The following WARS2 variants were observed in gnomAD, a reference collection of about 807,000 sequenced individuals.
WARS2 encodes the protein tryptophan--tRNA ligase, mitochondrial.
In WARS2, 28 loss-of-function variants were observed where a neutral mutation model predicts 36.5. The ratio of observed to expected loss-of-function variants is 0.77; its 90% CI spans 0.57 to 1.05. WARS2 has a LOEUF of 1.05. Among genes scored for constraint, WARS2 ranks in the 50% least tolerant of loss-of-function variants. The pLI is 0.00. For synonymous variants in WARS2, 174 were observed against 178.4 expected (o/e 0.98, Z 0.20); for missense variants, 435 against 456.8 (o/e 0.95, Z 0.44).
At position 119,095,886 on chromosome 1, in the gene WARS2, T is replaced by C. The variant is rs587727859; in HGVS notation, c.91-19279A>G. On this transcript the variant is annotated intron_variant, in intron 1 of 5. Transcript: ENST00000235521. ...GTATTGGGGGACACTGAAGAGTTTT[T>C]AGTTTCTCAAACTCACTGGTAAACC... Among the ~76,000 whole-genome samples the C allele has an allele frequency of 4.6e-5, 7 of 152,368 alleles. No individual in the cohort carries two copies. In the South Asian group the frequency reaches 1.2e-3, roughly 27 times the overall value.
At chr1:119,094,274 T>TA (rs1158064403) in intron 1 of WARS2, among the ~76,000 whole-genome samples, 3 of 151,536 alleles carry the variant, frequency 2.0e-5, no homozygotes, top group South Asian at 2.1e-4. Context: ...TTTCCTTTGG[T>TA]AAAAAAAAAT....
At chr1:119,042,148 A>T in intron 4 of WARS2, 116 bp downstream of exon 4, 1 of 824,504 alleles carries the variant, frequency 1.2e-6, no homozygotes. Context: ...ACTGATTCAG[A>T]TGTCTGACGC....
intron 4 of WARS2, among the ~76,000 whole-genome samples, chr1:119,040,299 A>G (rs554608673): frequency 6.6e-6 from 1 of 152,354 alleles, no homozygotes; most frequent in Admixed American, 6.5e-5. Flanking sequence ...GAATTAAAGA[A>G]GAGGCTCCTT....
At chr1:119,057,205 G>A (rs539160079) in intron 2 of WARS2, among the ~76,000 whole-genome samples, 108 of 152,018 alleles carry the variant, frequency 7.1e-4, no homozygotes, top group African/African-American at 2.5e-3. Flanking sequence ...GGAGTCAGTG[G>A]CACGATCTCG....
chr1:119,088,082 A>G (rs1475667749), intron 1 of WARS2, among the ~76,000 whole-genome samples: 1 of 152,226 alleles, frequency 6.6e-6, no homozygotes, highest in Non-Finnish European at 1.5e-5. Flanking sequence ...GATGTATGCT[A>G]AAGTTTGAGC....
intron 1 of WARS2, among the ~76,000 whole-genome samples, chr1:119,110,722 C>G (rs1350275345): frequency 6.6e-6 from 1 of 152,040 alleles, no homozygotes; most frequent in African/African-American, 2.4e-5. Context: ...CATTTTTATT[C>G]AAATATTGAT....
At chr1:119,080,889 C>A (rs1443942778) in intron 1 of WARS2, among the ~76,000 whole-genome samples, 1 of 152,234 alleles carries the variant, frequency 6.6e-6, no homozygotes, top group Non-Finnish European at 1.5e-5. Flanking sequence ...CACAGGCATT[C>A]ATTCAAGGGG....
chr1:119,048,694 A>AT (rs1341100074), intron 2 of WARS2, among the ~76,000 whole-genome samples: 3 of 152,042 alleles, frequency 2.0e-5, no homozygotes, highest in Non-Finnish European at 4.4e-5. Flanking sequence ...GAGGAGAAAA[A>AT]TTTTTGTTTT....
At chr1:119,120,769 C>T (rs2101535628) in intron 1 of WARS2, among the ~76,000 whole-genome samples, 1 of 152,032 alleles carries the variant, frequency 6.6e-6, no homozygotes, top group East Asian at 1.9e-4. Flanking sequence ...TGATATACCA[C>T]ACAAACAGAA....
At chr1:119,076,669 A>G in intron 1 of WARS2, 62 bp from the exon 2 acceptor site, 3 of 1,594,170 alleles carry the variant, frequency 1.9e-6, no homozygotes, top group Non-Finnish European at 2.6e-6. Context: ...TCCTATGCCC[A>G]TGTTATCATA....
chr1:119,048,923 T>C (rs2765532), intron 2 of WARS2, among the ~76,000 whole-genome samples: 44,799 of 151,590 alleles, frequency 0.3, 7,244 homozygotes, highest in African/African-American at 0.43. Context: ...ATTAGCTGGG[T>C]ATGATGGCGG....
rs1421112869 is a variant in WARS2, at chr1:119,076,520, C to T, written c.178G>A (p.Val60Met). 1.2e-6 allele frequency: 2 copies of T among 1,614,180 alleles called. No individual in the cohort carries two copies. The highest frequency in any genetic ancestry group is 1.7e-6 in the Non-Finnish European group (2 of 1,180,030). The stretch of plus-strand genomic sequence containing the variant: ...GAGTCATATTCATCCTGTAACCTCA[C>T]CCAGCTCTCAATGGCTCCCAGGTAA... ...GNYLGAIESW[V>M]RLQDEYDSVL... Residue 60 changes from valine (V) to methionine (M), a missense_variant, in exon 2 of 6, where the codon GTG becomes ATG. Val to Met is a conservative substitution (Grantham distance 21). Coordinates refer to ENST00000235521, the MANE Select transcript of WARS2 (RefSeq NM_015836.4).
chr1:119,067,121 A>T (rs1422138906), intron 2 of WARS2, among the ~76,000 whole-genome samples: 1 of 130,704 alleles, frequency 7.7e-6, no homozygotes, highest in Non-Finnish European at 1.7e-5. Flanking sequence ...AGCATGTAAC[A>T]TTGTACACAA....
chr1:119,098,922 A>C (rs1161111341), intron 1 of WARS2, among the ~76,000 whole-genome samples: 3 of 150,856 alleles, frequency 2.0e-5, no homozygotes, highest in Non-Finnish European at 2.9e-5. Context: ...TTTTTAGTAG[A>C]AACGTGGTTT....
chr1:119,135,767 GA>G (rs1295042380), intron 1 of WARS2, among the ~76,000 whole-genome samples: 2 of 122,542 alleles, frequency 1.6e-5, no homozygotes, highest in Non-Finnish European at 1.9e-5. Flanking sequence ...GATAGAGAGA[GA>G]GAGAGAGATG....
chr1:119,041,749 T>C (rs188896351), intron 4 of WARS2, among the ~76,000 whole-genome samples: 3 of 152,268 alleles, frequency 2.0e-5, no homozygotes, highest in African/African-American at 7.2e-5. Flanking sequence ...AAAATCAACA[T>C]GTAAAATGCT....
In WARS2 at chr1:119,082,416, T is replaced by C. The variant is rs1007464893; in HGVS notation, c.91-5809A>G. 9.1e-6 allele frequency: 9 copies of C among 985,346 alleles called. No homozygotes were observed. The African/African-American group carries it at 1.4e-4, about 15-fold the overall frequency. The allele number at this position is 985,346 out of a possible 1,614,324, so 61.0% of individuals were successfully genotyped here. A position where few individuals can be genotyped will look rare whatever the true frequency, so the allele number is the denominator to read the frequency against. Reference sequence around the variant, plus strand: ...TGATGAAATTTAGCTATCAGAAACATGCCCTGGCCCTTTCATGTACTTCAT... The same window carrying C: ...TGATGAAATTTAGCTATCAGAAACACGCCCTGGCCCTTTCATGTACTTCAT... On this transcript the variant is annotated intron_variant, in intron 1 of 5. Transcript: ENST00000235521.
At chr1:119,055,524 C>A (rs1158498103) in intron 2 of WARS2, among the ~76,000 whole-genome samples, 1 of 152,108 alleles carries the variant, frequency 6.6e-6, no homozygotes, top group Non-Finnish European at 1.5e-5. Context: ...CACCTATAGT[C>A]CCAGCTACTT....
At chr1:119,099,364 T>C (rs781301865) in intron 1 of WARS2, among the ~76,000 whole-genome samples, 3 of 152,214 alleles carry the variant, frequency 2.0e-5, no homozygotes, top group Non-Finnish European at 4.4e-5. Flanking sequence ...TTAAAAAGAA[T>C]GAATTAAGAA....
Sources: gnomAD v4.1 joint callset for allele counts (sites outside exome capture counted in the v4.1 genomes callset) on GRCh38, gnomAD v4.1.1 for gene constraint, MANE v1.5 for transcripts, NCBI Gene and HGNC (gene_info 2026-07-23, HGNC 2026-07-21) for gene names.